The following WDFY3 variants were observed in gnomAD, a reference collection of about 807,000 sequenced individuals.
WDFY3 encodes the protein WD repeat and FYVE domain containing 3.
In WDFY3, 66 loss-of-function variants were observed where a neutral mutation model predicts 409.6. That is an observed-to-expected ratio of 0.16 (90% CI 0.13 to 0.20). The LOEUF is 0.20. Ranked by LOEUF, WDFY3 falls within the 10% of genes least tolerant of loss-of-function variation. The pLI is 1.00. For synonymous variants in WDFY3, 1,521 were observed against 1,537.1 expected (o/e 0.99, Z 0.25); for missense variants, 3,031 against 4,298.1 (o/e 0.71, Z 8.24).
rs1578076686 is a variant in WDFY3, at chr4:84,671,930, C to A, written c.*938G>T. The A allele has an allele frequency of 6.6e-6, 1 of 152,312 alleles. No homozygotes were observed. The highest frequency in any genetic ancestry group is 1.9e-4 in the East Asian group (1 of 5,180). 9.4% of individuals were successfully genotyped at this position (152,312 alleles called of 1,614,324 possible). A position where few individuals can be genotyped will look rare whatever the true frequency, so the allele number is the denominator to read the frequency against. On this transcript the variant is annotated 3_prime_UTR_variant, in exon 68 of 68. Coordinates refer to ENST00000295888, the MANE Select transcript of WDFY3 (RefSeq NM_014991.6). Reference sequence around the variant, plus strand: ...AGATAAGCTAATTTTGGGTTACATGCAAATATATTTCCATTAGTTGAGACA... The same window carrying A: ...AGATAAGCTAATTTTGGGTTACATGAAAATATATTTCCATTAGTTGAGACA...
intron 51 of WDFY3, among the ~76,000 whole-genome samples, chr4:84,711,437 G>A (rs1188842908): frequency 2.6e-5 from 4 of 151,582 alleles, no homozygotes; most frequent in South Asian, 2.1e-4. Flanking sequence ...CAAAAGATAC[G>A]GACAATTTAC....
At chr4:84,793,760 G>C (rs144621838) in intron 21 of WDFY3, among the ~76,000 whole-genome samples, 227 of 152,208 alleles carry the variant, frequency 1.5e-3, no homozygotes, top group African/African-American at 5.0e-3. Context: ...TCTGTGCTAG[G>C]TACCATGAGG....
At chr4:84,923,691 C>A (rs1398739141) in intron 2 of WDFY3, among the ~76,000 whole-genome samples, 1 of 152,086 alleles carries the variant, frequency 6.6e-6, no homozygotes. Flanking sequence ...ATACACCATG[C>A]CCCAAGCATG....
chr4:84,714,747 G>A (rs572211783), intron 50 of WDFY3, among the ~76,000 whole-genome samples: 11 of 152,134 alleles, frequency 7.2e-5, no homozygotes, highest in African/African-American at 2.2e-4. Flanking sequence ...TCAAGAGATC[G>A]AGACCATCCT....
At chr4:84,785,945 C>A (rs1346462399) in intron 24 of WDFY3, 34 bp downstream of exon 24, 2 of 1,608,232 alleles carry the variant, frequency 1.2e-6, no homozygotes, top group Admixed American at 1.7e-5. Flanking sequence ...CAGTGAGAAT[C>A]AGCCATAGTA....
rs751015735 is a variant in WDFY3, at chr4:84,765,916, T to A, written c.5082A>T (p.Leu1694=). 4 of 1,614,006 alleles carry A rather than the reference T, an allele frequency of 2.5e-6. No individual in the cohort carries two copies. The highest frequency in any genetic ancestry group is 3.4e-6 in the Non-Finnish European group (4 of 1,179,956). ...TGATGAGAATAGACTGATTACTTAG[T>A]AGGACAACAAGAATCCTCATGGCTG... ...VTAAMRILVV[L]LSNQSILIKF... The change falls in exon 32 of 68, where the codon CTA becomes CTT. Residue 1694 remains leucine (L), a synonymous_variant. Transcript: ENST00000295888.
At chr4:84,736,434 T>C (rs1737444164) in intron 41 of WDFY3, 107 bp from the exon 42 acceptor site, 9 of 1,031,960 alleles carry the variant, frequency 8.7e-6, no homozygotes, top group Non-Finnish European at 9.2e-6. Flanking sequence ...TTAACAAAAG[T>C]AGCACATATT....
intron 31 of WDFY3, 59 bp downstream of exon 31, chr4:84,766,193 A>G: frequency 1.3e-6 from 2 of 1,525,070 alleles, no homozygotes; most frequent in Non-Finnish European, 1.8e-6. Flanking sequence ...TCTTTTGCCT[A>G]ACATGAATTA....
Position 84,740,396 on chromosome 4 carries a change from T to C in WDFY3, c.6255A>G (p.Gly2085=). Residue 2085 remains glycine, a synonymous_variant, in exon 39 of 68, where the codon GGA becomes GGG. Coordinates refer to ENST00000295888, the MANE Select transcript of WDFY3 (RefSeq NM_014991.6). ...AATGATACACTGCATCCAGTGACAA[T>C]CCCTGTGATCTTCTCTTTGACTAAA... ...LIAQSKRRSQ[G]LSLDAVYHCL... 6.2e-7 allele frequency: 1 copy of C among 1,614,128 alleles called. No homozygotes were observed. Among genetic ancestry groups the C allele is most frequent in the Non-Finnish European group, 8.5e-7 (1 of 1,180,008 alleles).
At chr4:84,864,049 AT>A (rs902068996) in intron 3 of WDFY3, among the ~76,000 whole-genome samples, 1 of 151,576 alleles carries the variant, frequency 6.6e-6, no homozygotes, top group African/African-American at 2.4e-5. Flanking sequence ...GAATTTTAAG[AT>A]TTTTTTTTCT....
intron 1 of WDFY3, among the ~76,000 whole-genome samples, chr4:84,947,239 A>G (rs1772972761): frequency 3.3e-5 from 5 of 151,720 alleles, no homozygotes; most frequent in African/African-American, 1.2e-4. Flanking sequence ...GGGGCCGGGC[A>G]CAGTGACTTA....
intron 43 of WDFY3, among the ~76,000 whole-genome samples, chr4:84,734,211 T>C (rs1050398982): frequency 2.0e-5 from 3 of 152,184 alleles, no homozygotes; most frequent in Non-Finnish European, 4.4e-5. Context: ...TAAATGGAAA[T>C]TATGACACAG....
At chr4:84,836,101 T>A (rs1756536116) in intron 7 of WDFY3, among the ~76,000 whole-genome samples, 1 of 152,180 alleles carries the variant, frequency 6.6e-6, no homozygotes, top group East Asian at 1.9e-4. Context: ...TACACTGCTG[T>A]GCAACAGAAC....
At chr4:84,770,977 A>G (rs1027040087) in intron 30 of WDFY3, among the ~76,000 whole-genome samples, 6 of 152,332 alleles carry the variant, frequency 3.9e-5, no homozygotes, top group African/African-American at 1.4e-4. Context: ...TGATGAGAGT[A>G]TCAGTCTAAT....
chr4:84,847,283 A>C (rs1281566574), intron 5 of WDFY3, among the ~76,000 whole-genome samples: 1 of 152,096 alleles, frequency 6.6e-6, no homozygotes, highest in East Asian at 1.9e-4. Context: ...TGCAGCCCAC[A>C]GCTGCAAGCT....
chr4:84,744,852 CAAAAAAAAAAAAAAA>C (rs1165273561), intron 36 of WDFY3, among the ~76,000 whole-genome samples: 2 of 15,764 alleles, frequency 1.3e-4, no homozygotes, highest in East Asian at 5.1e-3. Context: ...GACTCCGTCT[CAAAAAAAAAAAAAAA>C]AAAAAAAAAA....
chr4:84,954,487 A>G (rs12502559), intron 1 of WDFY3, among the ~76,000 whole-genome samples: 44,517 of 152,046 alleles, frequency 0.29, 6,672 homozygotes, highest in Admixed American at 0.33. Context: ...GCTTTAATCA[A>G]AGAAATCTGA....
intron 7 of WDFY3, among the ~76,000 whole-genome samples, chr4:84,832,353 C>A (rs1755861027): frequency 6.6e-6 from 1 of 151,952 alleles, no homozygotes; most frequent in Admixed American, 6.6e-5. Context: ...GCGAGTGGGG[C>A]AAGCTAAAGG....
intron 13 of WDFY3, among the ~76,000 whole-genome samples, chr4:84,816,599 CATTTAAT>C (rs1216212839): frequency 1.3e-5 from 2 of 152,008 alleles, no homozygotes; most frequent in Non-Finnish European, 2.9e-5. Flanking sequence ...TAAAATATAT[CATTTAAT>C]ATTTAATAGT....
Sources: allele counts gnomAD v4.1 joint callset (sites outside exome capture counted in the v4.1 genomes callset), GRCh38; gene constraint gnomAD v4.1.1; transcripts MANE v1.5; gene names NCBI Gene and HGNC (gene_info 2026-07-23, HGNC 2026-07-21).